TTF2: variants seen among roughly 807,000 people sequenced by gnomAD.
TTF2 encodes transcription termination factor 2, also known as RNA polymerase II termination factor.
TTF2 carries 108 observed loss-of-function variants against 142.4 expected under a neutral mutation model. The observed-to-expected ratio is 0.76, with a 90% CI of 0.65 to 0.89. The LOEUF (loss-of-function observed/expected upper bound fraction) is 0.89, where lower values mean the gene tolerates loss of function less well. Among genes scored for constraint, TTF2 ranks in the 40% least tolerant of loss-of-function variants. The pLI, the probability that TTF2 is intolerant of heterozygous loss-of-function variation, is 0.00. For missense variants in TTF2, 1,327 were observed against 1,379.8 expected (o/e 0.96, Z 0.61); for synonymous variants, 483 against 506.2 (o/e 0.95, Z 0.61).
chr1:117,098,787 T>A, intron 21 of TTF2, 46 bp from the exon 22 acceptor site: 1 of 1,577,328 alleles, frequency 6.3e-7, no homozygotes, highest in Non-Finnish European at 8.7e-7. Flanking sequence ...TTGCCATTTC[T>A]GATCTAGTAT....
intron 3 of TTF2, among the ~76,000 whole-genome samples, chr1:117,065,112 A>T (rs1655985100): frequency 6.6e-6 from 1 of 152,186 alleles, no homozygotes; most frequent in Non-Finnish European, 1.5e-5. Context: ...CAGATAAAAT[A>T]GTGTGAGTCT....
Position 117,098,863 on chromosome 1 carries a change from C to A in TTF2, c.3300C>A (p.Asp1100Glu). 6.2e-7 allele frequency: 1 copy of A among 1,612,044 alleles called. No homozygotes were observed. Among genetic ancestry groups the A allele is most frequent in the Non-Finnish European group, 8.5e-7 (1 of 1,179,426 alleles). ...WNPSLEDQAC[D>E]RIYRVGQQKD... is the part of the protein sequence containing the mutation. ...CATCACTTGAAGATCAAGCTTGTGA[C>A]CGAATTTACCGAGTAGGGCAGCAGA... The change falls in exon 22 of 23, where the codon GAC (aspartate) becomes GAA (glutamate). Residue 1100 changes from aspartate to glutamate, a missense_variant. By Grantham distance (45) the Asp-to-Glu change is conservative. Transcript: ENST00000369466.
Position 117,092,805 on chromosome 1 carries a change from G to A in TTF2, c.2880G>A (p.Leu960=). 1.2e-6 allele frequency: 2 copies of A among 1,614,198 alleles called. No individual in the cohort carries two copies. Among genetic ancestry groups the A allele is most frequent in the Non-Finnish European group, 1.7e-6 (2 of 1,180,030 alleles). ...AAGAACAGCTCAGTGCTTTGACCTTGTCAGAACTCCGTGACTCAGAGCCAT... is the reference window on the plus strand; with the variant it reads ...AAGAACAGCTCAGTGCTTTGACCTTATCAGAACTCCGTGACTCAGAGCCAT... ...SLEEQLSALT[L]SELRDSEPSS... Residue 960 remains leucine (L), a synonymous_variant, in exon 18 of 23, where the codon TTG becomes TTA. Transcript: ENST00000369466. The surrounding 1 kb of genome is among the most constrained non-coding windows in gnomAD (Gnocchi z 4.4).
rs2101269227 is a variant in TTF2, at chr1:117,063,399, CT to C, written c.218+927del. On this transcript the variant is annotated intron_variant, in intron 3 of 22. Transcript: ENST00000369466. The surrounding 1 kb of genome is among the most constrained non-coding windows in gnomAD (Gnocchi z 4.1). ...AGTCCCCTTCAAGTTAATTTCACCC[CT>C]CCCATCTCCACCCCTGTCAGCAATC... is the stretch of plus-strand genomic sequence containing the variant. 6.6e-6 allele frequency among the ~76,000 whole-genome samples: 1 copy of C among 152,322 alleles called. No homozygotes were observed. The highest frequency in any genetic ancestry group is 6.5e-5 in the Admixed American group (1 of 15,302).
At chr1:117,062,501 G>A in intron 3 of TTF2, 28 bp downstream of exon 3, 3 of 1,504,960 alleles carry the variant, frequency 2.0e-6, no homozygotes, top group Middle Eastern at 1.8e-4. Context: ...ACATCTAAGT[G>A]TATTTGCTTT....
At chr1:117,081,994 G>C in intron 10 of TTF2, 47 bp downstream of exon 10, 2 of 1,612,904 alleles carry the variant, frequency 1.2e-6, no homozygotes, top group Non-Finnish European at 1.7e-6. Flanking sequence ...CGTCATTTGA[G>C]CCACCCAAGA....
At chr1:117,071,999 C>T (rs952395991) in intron 3 of TTF2, among the ~76,000 whole-genome samples, 2 of 152,050 alleles carry the variant, frequency 1.3e-5, no homozygotes, top group Non-Finnish European at 2.9e-5. Context: ...GTAGGACTTC[C>T]GTAGCTGGAG....
chr1:117,095,481 G>T, intron 19 of TTF2, 114 bp downstream of exon 19: 1 of 904,638 alleles, frequency 1.1e-6, no homozygotes, highest in Non-Finnish European at 1.8e-6. Flanking sequence ...AAGCACTGAG[G>T]TTATAGCACA....
rs764406529 is a variant in TTF2 at position 117,090,171 on chromosome 1, G to T, written c.2459G>T (p.Arg820Ile). The T allele has an allele frequency of 6.2e-7, 1 of 1,614,104 alleles. No individual in the cohort carries two copies. ...TTAACCAAGAGCCTTTTGCTGAGGA[G>T]AACAAAAGACCAGCTGGACTCTACT... is the stretch of plus-strand genomic sequence containing the variant. ...SILTKSLLLR[R>I]TKDQLDSTGR... is the part of the protein sequence containing the mutation. Residue 820 changes from arginine to isoleucine, a missense_variant, in exon 14 of 23, where the codon AGA becomes ATA. Arg to Ile is a moderately conservative substitution (Grantham distance 97). Coordinates refer to ENST00000369466, the MANE Select transcript of TTF2 (RefSeq NM_003594.4). The surrounding 1 kb of genome is among the most constrained non-coding windows in gnomAD (Gnocchi z 4.8).
At chr1:117,089,015 A>T in intron 13 of TTF2, 33 bp downstream of exon 13, 1 of 1,563,418 alleles carries the variant, frequency 6.4e-7, no homozygotes, top group Non-Finnish European at 8.7e-7. Flanking sequence ...GTAAATATGA[A>T]CCCTGTCTGT....
At position 117,076,364 on chromosome 1, in the gene TTF2, T is replaced by A; in HGVS notation, c.1390+70T>A. ...ACAAGAGACATTCGGGAAGCCCTTT[T>A]AATAAAGAATGTGTTGATTCATTCA... On this transcript the variant is annotated intron_variant, in intron 6 of 22. Transcript: ENST00000369466. This position sits in a 1 kb window ranked among gnomAD's most constrained non-coding sequence, Gnocchi z 4.6. 1 of 1,239,418 alleles carries A rather than the reference T, an allele frequency of 8.1e-7. No homozygotes were observed. Among genetic ancestry groups the A allele is most frequent in the Non-Finnish European group, 1.1e-6 (1 of 874,504 alleles). The allele number at this position is 1,239,418 out of a possible 1,614,324, so 76.8% of individuals were successfully genotyped here.
intron 2 of TTF2, among the ~76,000 whole-genome samples, chr1:117,061,906 T>A (rs561721497): frequency 6.6e-6 from 1 of 152,326 alleles, no homozygotes; most frequent in South Asian, 2.1e-4. Context: ...GTTATATATA[T>A]TTAAATTTTT....
At chr1:117,088,468 C>T (rs967204386) in intron 12 of TTF2, among the ~76,000 whole-genome samples, 3 of 151,944 alleles carry the variant, frequency 2.0e-5, no homozygotes, top group East Asian at 1.9e-4. Context: ...AGCCCGGAGG[C>T]GGAGCTTGCA....
In TTF2 at chr1:117,091,330, C is replaced by T. The variant is rs1402430014; in HGVS notation, c.2591C>T (p.Ser864Leu). The part of the protein sequence containing the change: ...VYNVFFARSR[S>L]ALQSYLKRHE... Reference sequence around the variant, plus strand: ...TTTTTCTTTTTAATCTGAGGCAGGTCAGCTCTGCAATCCTATCTAAAAAGA... The same window carrying T: ...TTTTTCTTTTTAATCTGAGGCAGGTTAGCTCTGCAATCCTATCTAAAAAGA... Residue 864 changes from serine to leucine, a missense_variant and splice_region_variant, in exon 16 of 23, where the codon TCA (serine) becomes TTA (leucine). Physicochemically the swap from Ser to Leu is moderately radical, Grantham distance 145 (BLOSUM62 -2). Coordinates refer to ENST00000369466, the MANE Select transcript of TTF2 (RefSeq NM_003594.4). 2 of 1,609,540 alleles carry T rather than the reference C, an allele frequency of 1.2e-6. No homozygotes were observed. Among genetic ancestry groups the T allele is most frequent in the Admixed American group, 1.7e-5 (1 of 58,772 alleles).
At position 117,088,823 on chromosome 1, in the gene TTF2, G is replaced by C. The variant is rs200362905; in HGVS notation, c.2183G>C (p.Arg728Pro). 6.2e-7 allele frequency: 1 copy of C among 1,613,494 alleles called. No homozygotes were observed. The highest frequency in any genetic ancestry group is 2.2e-5 in the East Asian group (1 of 44,822). The part of the protein sequence containing the change: ...NVEGTSTPLL[R>P]IAWARIILDE... The stretch of plus-strand genomic sequence containing the variant: ...CAGGGCACCTCAACACCTTTGCTTC[G>C]AATAGCCTGGGCTCGAATCATATTG... The change falls in exon 13 of 23, where the codon CGA becomes CCA. Residue 728 changes from arginine (R) to proline (P), a missense_variant. Coordinates refer to ENST00000369466, the MANE Select transcript of TTF2 (RefSeq NM_003594.4).
rs1649820773 is a variant in TTF2, at chr1:117,104,705, C to T, written c.*3181C>T. 6.6e-6 allele frequency: 1 copy of T among 152,196 alleles called. No homozygotes were observed. Among genetic ancestry groups the T allele is most frequent in the Non-Finnish European group, 1.5e-5 (1 of 68,032 alleles). The allele number at this position is 152,196 out of a possible 1,614,324, so 9.4% of individuals were successfully genotyped here. A position where few individuals can be genotyped will look rare whatever the true frequency, so the allele number is the denominator to read the frequency against. ...AATGGGATGGAATATACTAAACATG[C>T]ATTCTTAAATCCTAGTGCTGGGATG... On this transcript the variant is annotated 3_prime_UTR_variant, in exon 23 of 23. Transcript: ENST00000369466.
chr1:117,081,867 C>T lies in TTF2; in HGVS notation c.1823C>T (p.Ala608Val), dbSNP rs749221941. Residue 608 changes from alanine to valine, a missense_variant, in exon 10 of 23, where the codon GCG (alanine) becomes GTG (valine). By Grantham distance (64) the Ala-to-Val change is moderately conservative. Coordinates refer to ENST00000369466, the MANE Select transcript of TTF2 (RefSeq NM_003594.4). The stretch of plus-strand genomic sequence containing the variant: ...TTAGGAAAAACCCTGACAATGATTG[C>T]GCTCATCCTGACCCAGAAGAATCAA... ...MGLGKTLTMI[A>V]LILTQKNQEK... is the part of the protein sequence containing the mutation. 2.3e-5 allele frequency: 37 copies of T among 1,613,936 alleles called. No homozygotes were observed. The highest frequency in any genetic ancestry group is 6.7e-5 in the African/African-American group (5 of 74,868).
At position 117,075,600 on chromosome 1, in the gene TTF2, T is replaced by C; in HGVS notation, c.1016T>C (p.Leu339Pro). Reference protein sequence around the residue: ...AAQAAPAAPGLSLGEGREAAT... With the variant: ...AAQAAPAAPGPSLGEGREAAT... ...CAGGCTGCACCAGCAGCACCAGGGC[T>C]TTCCCTGGGTGAGGGCCGTGAAGCT... The change falls in exon 5 of 23, where the codon CTT becomes CCT. Residue 339 changes from leucine to proline, a missense_variant. Transcript: ENST00000369466. The surrounding 1 kb of genome is among the most constrained non-coding windows in gnomAD (Gnocchi z 4.5). The C allele has an allele frequency of 6.2e-7, 1 of 1,614,134 alleles. No homozygotes were observed. Among genetic ancestry groups the C allele is most frequent in the Non-Finnish European group, 8.5e-7 (1 of 1,180,014 alleles).
chr1:117,082,664 A>G (rs1647627059), intron 10 of TTF2, among the ~76,000 whole-genome samples: 1 of 152,206 alleles, frequency 6.6e-6, no homozygotes, highest in Non-Finnish European at 1.5e-5. Context: ...TTCCTAGATT[A>G]TAGACACTTT....
Sources: allele counts gnomAD v4.1 joint callset (sites outside exome capture counted in the v4.1 genomes callset), GRCh38; gene constraint gnomAD v4.1.1; non-coding constraint Gnocchi (gnomAD v3.1); transcripts MANE v1.5; gene names NCBI Gene and HGNC (gene_info 2026-07-23, HGNC 2026-07-21).